ACSL1: variants seen among roughly 807,000 people sequenced by gnomAD.
ACSL1 encodes the protein acyl-CoA synthetase long chain family member 1.
A neutral mutation model predicts 98.4 loss-of-function variants in ACSL1; 41 were observed. That is an observed-to-expected ratio of 0.42 (90% CI 0.32 to 0.54). The LOEUF (loss-of-function observed/expected upper bound fraction) is 0.54, where lower values mean the gene tolerates loss of function less well. ACSL1 is among the 20% of genes least tolerant of loss of function. ACSL1 has a pLI of 0.13. For missense variants in ACSL1, 734 were observed against 883.1 expected (o/e 0.83, Z 2.14); for synonymous variants, 316 against 322.7 (o/e 0.98, Z 0.22).
Position 184,757,384 on chromosome 4 carries a change from G to T in ACSL1, c.1957-119C>A. On this transcript the variant is annotated intron_variant, in intron 20 of 20. Transcript: ENST00000281455. The surrounding 1 kb of genome is among the most constrained non-coding windows in gnomAD (Gnocchi z 4.5). The stretch of plus-strand genomic sequence containing the variant: ...CCATCCAATCCATCCTCTCATTTCA[G>T]CCAAGCTGCACCTTCTCAACAAAGG... The T allele has an allele frequency of 7.6e-7, 1 of 1,310,606 alleles. No homozygotes were observed. The highest frequency in any genetic ancestry group is 1.0e-6 in the Non-Finnish European group (1 of 967,386). The allele number at this position is 1,310,606 out of a possible 1,614,324, so 81.2% of individuals were successfully genotyped here.
intron 1 of ACSL1, among the ~76,000 whole-genome samples, chr4:184,818,325 C>A (rs1772795899): frequency 6.6e-6 from 1 of 152,150 alleles, no homozygotes; most frequent in African/African-American, 2.4e-5. Context: ...TAATCTCCTC[C>A]CCTCTCACAC....
chr4:184,778,478 C>T (rs4861633), intron 5 of ACSL1, among the ~76,000 whole-genome samples: 127,935 of 152,212 alleles, frequency 0.84, 53,912 homozygotes, highest in East Asian at 1. Flanking sequence ...CAGGTGTGAA[C>T]GTGGGCATTC....
rs1310643155 is a variant in ACSL1, at chr4:184,809,786, ACT to A, written c.-32-6242_-32-6241del. On this transcript the variant is annotated intron_variant, in intron 1 of 20. Transcript: ENST00000281455. ...ACTCCAGCCTGGGCGACAGAGCGAG[ACT>A]CTGTCTCAAAAAAAATAAAAATAAA... Among the ~76,000 whole-genome samples, 5 of 152,242 alleles carry A rather than the reference ACT, an allele frequency of 3.3e-5. No individual in the cohort carries two copies. The East Asian group carries it at 9.6e-4, about 29-fold the overall frequency.
At chr4:184,785,105 A>G (rs1027762718) in intron 3 of ACSL1, among the ~76,000 whole-genome samples, 1 of 152,234 alleles carries the variant, frequency 6.6e-6, no homozygotes, top group African/African-American at 2.4e-5. Context: ...AGCCACACTC[A>G]TTCATTTTTG....
rs901630565 is a variant in ACSL1, at chr4:184,764,201, C to T, written c.1432+652G>A. 4.1e-4 allele frequency among the ~76,000 whole-genome samples: 63 copies of T among 152,164 alleles called. 1 individual carries two copies. The highest frequency in any genetic ancestry group is 3.9e-3 in the Admixed American group (59 of 15,280). Reference sequence around the variant, plus strand: ...AAATCCTGGCTCCAAAGCATAATGCCGCGTAAATTCTCATACATCATTTAT... The same window carrying T: ...AAATCCTGGCTCCAAAGCATAATGCTGCGTAAATTCTCATACATCATTTAT... On this transcript the variant is annotated intron_variant, in intron 15 of 20. Coordinates refer to ENST00000281455, the MANE Select transcript of ACSL1 (RefSeq NM_001995.5).
chr4:184,762,421 C>T lies in ACSL1; in HGVS notation c.1624G>A (p.Gly542Arg). 6.2e-7 allele frequency: 1 copy of T among 1,614,188 alleles called. No homozygotes were observed. The highest frequency in any genetic ancestry group is 1.3e-5 in the African/African-American group (1 of 75,050). Reference protein sequence around the residue: ...KDGWLHTGDIGKWLPNGTLKI... With the variant: ...KDGWLHTGDIRKWLPNGTLKI... ...CGGCAACTTACTGGTAACCATTTTCCAATGTCCCCTGTGTGTAACCAGCCG... is the reference window on the plus strand; with the variant it reads ...CGGCAACTTACTGGTAACCATTTTCTAATGTCCCCTGTGTGTAACCAGCCG... The change falls in exon 17 of 21, where the codon GGA becomes AGA. Residue 542 changes from glycine (G) to arginine (R), a missense_variant. By Grantham distance (125) the Gly-to-Arg change is moderately radical. Transcript: ENST00000281455.
chr4:184,784,046 T>C, intron 3 of ACSL1, 55 bp from the exon 4 acceptor site: 1 of 1,450,450 alleles, frequency 6.9e-7, no homozygotes, highest in Non-Finnish European at 9.6e-7. Context: ...TATTCCTAGA[T>C]TTTAATTTGT....
chr4:184,792,820 G>A (rs1768632647), intron 2 of ACSL1, among the ~76,000 whole-genome samples: 1 of 152,186 alleles, frequency 6.6e-6, no homozygotes, highest in South Asian at 2.1e-4. Flanking sequence ...CAAGCAAGGG[G>A]TTGCAAGCTG....
At chr4:184,811,411 T>C (rs188714213) in intron 1 of ACSL1, among the ~76,000 whole-genome samples, 7 of 151,442 alleles carry the variant, frequency 4.6e-5, no homozygotes, top group East Asian at 3.9e-4. Flanking sequence ...CGCGCCCAGC[T>C]GCACAATGCT....
chr4:184,768,290 C>T (rs753629941), intron 12 of ACSL1, 26 bp downstream of exon 12: 1 of 1,606,066 alleles, frequency 6.2e-7, no homozygotes, highest in Non-Finnish European at 8.5e-7. Flanking sequence ...GTGCTCAGTC[C>T]TGGGACTTCG....
chr4:184,809,921 G>C (rs1186579963), intron 1 of ACSL1, among the ~76,000 whole-genome samples: 1 of 152,202 alleles, frequency 6.6e-6, no homozygotes, highest in Non-Finnish European at 1.5e-5. Flanking sequence ...GGCATCGAAT[G>C]GTTTTCTGTG....
At position 184,773,170 on chromosome 4, in the gene ACSL1, G is replaced by A. The variant is rs1295243058; in HGVS notation, c.842-16C>T. ...TTGGGGTTGCCTGTGGAGCACATATGAAGCAGAACAAAGTTAAAGAATGAC... is the reference window on the plus strand; with the variant it reads ...TTGGGGTTGCCTGTGGAGCACATATAAAGCAGAACAAAGTTAAAGAATGAC... On this transcript the variant is annotated splice_polypyrimidine_tract_variant and intron_variant, in intron 9 of 20. Coordinates refer to ENST00000281455, the MANE Select transcript of ACSL1 (RefSeq NM_001995.5). This position sits in a 1 kb window ranked among gnomAD's most constrained non-coding sequence, Gnocchi z 4.3. 1 of 1,607,548 alleles carries A rather than the reference G, an allele frequency of 6.2e-7. No individual in the cohort carries two copies. Among genetic ancestry groups the A allele is most frequent in the Non-Finnish European group, 8.5e-7 (1 of 1,174,326 alleles).
At chr4:184,800,163 A>AT (rs1561229753) in intron 2 of ACSL1, among the ~76,000 whole-genome samples, 5 of 152,226 alleles carry the variant, frequency 3.3e-5, no homozygotes. Flanking sequence ...CAGACATTGC[A>AT]TAACTCTTCA....
At position 184,766,669 on chromosome 4, in the gene ACSL1, T is replaced by C. The variant is rs772182808; in HGVS notation, c.1216A>G (p.Ile406Val). ...RKEAELRSGI[I>V]RNNSLWDRLI... ...CGGTCCCACAGGCTGTTGTTTCTGATGATGCCGCTGCGAAGCTCTGCTTCT... is the reference window on the plus strand; with the variant it reads ...CGGTCCCACAGGCTGTTGTTTCTGACGATGCCGCTGCGAAGCTCTGCTTCT... Residue 406 changes from isoleucine to valine, a missense_variant, in exon 13 of 21, where the codon ATC becomes GTC. Coordinates refer to ENST00000281455, the MANE Select transcript of ACSL1 (RefSeq NM_001995.5). The surrounding 1 kb of genome is among the most constrained non-coding windows in gnomAD (Gnocchi z 4.8). The C allele has an allele frequency of 1.2e-6, 2 of 1,614,222 alleles. No homozygotes were observed. The highest frequency in any genetic ancestry group is 1.7e-6 in the Non-Finnish European group (2 of 1,180,046).
chr4:184,797,225 T>G (rs1294541082), intron 2 of ACSL1, among the ~76,000 whole-genome samples: 4 of 152,218 alleles, frequency 2.6e-5, no homozygotes. Flanking sequence ...GCGTTTCCAC[T>G]GGCATGATCC....
At chr4:184,793,263 C>T (rs890531732) in intron 2 of ACSL1, among the ~76,000 whole-genome samples, 4 of 151,490 alleles carry the variant, frequency 2.6e-5, no homozygotes, top group African/African-American at 7.3e-5. Context: ...GAGTATATTC[C>T]GCAACATCTC....
rs746423131 is a variant in ACSL1 at position 184,768,450 on chromosome 4, A to T, written c.994T>A (p.Cys332Ser). The change falls in exon 12 of 21, where the codon TGT becomes AGT. Residue 332 changes from cysteine (C) to serine (S), a missense_variant and splice_region_variant. By Grantham distance (112) the Cys-to-Ser change is moderately radical (BLOSUM62 -1). Coordinates refer to ENST00000281455, the MANE Select transcript of ACSL1 (RefSeq NM_001995.5). Reference sequence around the variant, plus strand: ...TTAGCTCCATGACACAGCATTACACACTATAGGGGTAATGGAAAAAACAAA... The same window carrying T: ...TTAGCTCCATGACACAGCATTACACTCTATAGGGGTAATGGAAAAAACAAA... The part of the protein sequence containing the change: ...LAHMFERVVE[C>S]VMLCHGAKIG... 6.2e-7 allele frequency: 1 copy of T among 1,605,166 alleles called. No individual in the cohort carries two copies. The highest frequency in any genetic ancestry group is 1.7e-5 in the Admixed American group (1 of 57,704).
intron 1 of ACSL1, among the ~76,000 whole-genome samples, chr4:184,807,191 C>G (rs577729109): frequency 6.6e-6 from 1 of 152,314 alleles, no homozygotes; most frequent in East Asian, 1.9e-4. Context: ...TGGTAAAACT[C>G]AGACAGATTG....
At chr4:184,760,264 G>A in intron 18 of ACSL1, 93 bp downstream of exon 18, 1 of 1,395,784 alleles carries the variant, frequency 7.2e-7, no homozygotes, top group South Asian at 1.4e-5. Flanking sequence ...CAAGTGATAG[G>A]CGTCTCAAAC....
Sources: gnomAD v4.1 joint callset for allele counts (sites outside exome capture counted in the v4.1 genomes callset) on GRCh38, gnomAD v4.1.1 for gene constraint, Gnocchi (gnomAD v3.1) non-coding constraint, MANE v1.5 for transcripts, NCBI Gene and HGNC (gene_info 2026-07-23, HGNC 2026-07-21) for gene names.